ITPK1: variants seen among roughly 807,000 people sequenced by gnomAD.
ITPK1 encodes inositol-tetrakisphosphate 1-kinase.
Under a neutral mutation model 45.3 loss-of-function variants are expected in ITPK1, and 21 were observed. The ratio of observed to expected loss-of-function variants is 0.46; its 90% CI spans 0.33 to 0.67. ITPK1 has a LOEUF of 0.67. Among genes scored for constraint, ITPK1 ranks in the 30% least tolerant of loss-of-function variants. The pLI is 0.02. For synonymous variants in ITPK1, 258 were observed against 253.6 expected (o/e 1.02, Z -0.16); for missense variants, 474 against 573.5 (o/e 0.83, Z 1.77).
chr14:93,019,002 A>T (rs1231474105), intron 3 of ITPK1, among the ~76,000 whole-genome samples: 1 of 151,780 alleles, frequency 6.6e-6, no homozygotes, highest in East Asian at 1.9e-4. Flanking sequence ...TCCAAATTAC[A>T]CTCCACCCAA....
At chr14:92,985,723 C>T (rs1165867445) in intron 5 of ITPK1, among the ~76,000 whole-genome samples, 2 of 152,074 alleles carry the variant, frequency 1.3e-5, no homozygotes, top group South Asian at 2.1e-4. Flanking sequence ...CATCAGGGCG[C>T]CAGGGGCTGC....
At chr14:93,103,720 G>C (rs1190699348) in intron 2 of ITPK1, among the ~76,000 whole-genome samples, 3 of 152,182 alleles carry the variant, frequency 2.0e-5, no homozygotes, top group Admixed American at 2.0e-4. Context: ...TTCCAGGGGA[G>C]GGGGAGGCCT....
Position 93,055,788 on chromosome 14 carries a change from CG to C in ITPK1, c.120+20806del, listed in dbSNP as rs542275375. ...GTGCCCAGCGGTCCCTACCACTCCCCGGGCAGAGAGTACAGGCTCTTGGAAG... is the reference window on the plus strand; with the variant it reads ...GTGCCCAGCGGTCCCTACCACTCCCCGGCAGAGAGTACAGGCTCTTGGAAG... On this transcript the variant is annotated intron_variant, in intron 3 of 10. Coordinates refer to ENST00000267615, the MANE Select transcript of ITPK1 (RefSeq NM_014216.6). Among the ~76,000 whole-genome samples the C allele has an allele frequency of 9.7e-4, 148 of 152,304 alleles. 2 individuals carry two copies. Among genetic ancestry groups the C allele is most frequent in the African/African-American group, 3.3e-3 (137 of 41,550 alleles).
At chr14:93,050,493 G>A (rs1889960020) in intron 3 of ITPK1, among the ~76,000 whole-genome samples, 1 of 152,202 alleles carries the variant, frequency 6.6e-6, no homozygotes, top group Non-Finnish European at 1.5e-5. Context: ...GCAAGAGAGA[G>A]GAGCAAGGGC....
intron 2 of ITPK1, among the ~76,000 whole-genome samples, chr14:93,086,560 C>T (rs1282849890): frequency 2.0e-5 from 3 of 152,238 alleles, no homozygotes; most frequent in East Asian, 1.9e-4. Flanking sequence ...AACCCTGCCC[C>T]GAGATGCTAG....
At chr14:93,008,886 A>G (rs1206415426) in intron 4 of ITPK1, among the ~76,000 whole-genome samples, 1 of 152,216 alleles carries the variant, frequency 6.6e-6, no homozygotes, top group Non-Finnish European at 1.5e-5. Flanking sequence ...TGTGATTCCA[A>G]ACACTAAAAC....
chr14:93,066,984 G>A (rs899580577), intron 3 of ITPK1, among the ~76,000 whole-genome samples: 1 of 152,174 alleles, frequency 6.6e-6, no homozygotes, highest in Non-Finnish European at 1.5e-5. Flanking sequence ...GGAATCCAGT[G>A]TTTGCATCCG....
At chr14:93,092,811 C>T (rs1377303941) in intron 2 of ITPK1, among the ~76,000 whole-genome samples, 1 of 152,140 alleles carries the variant, frequency 6.6e-6, no homozygotes, top group Non-Finnish European at 1.5e-5. Context: ...CCACTGCATT[C>T]GACTCAGCCT....
intron 5 of ITPK1, among the ~76,000 whole-genome samples, chr14:92,963,160 C>CT (rs1885179800): frequency 6.6e-6 from 1 of 152,240 alleles, no homozygotes; most frequent in South Asian, 2.1e-4. Context: ...CCACTGTGGA[C>CT]TTTTACCCAC....
In ITPK1 at chr14:92,941,869, G is replaced by A. The variant is rs2139691918; in HGVS notation, c.937C>T (p.Leu313=). ...TGCAGGACAGTGGCGATGTGGTTCA[G>A]GAGGTCTGTGAAGAACTCGCTCACG... is the stretch of plus-strand genomic sequence containing the variant. ...EGVSEFFTDL[L]NHIATVLQGQ... is the part of the protein sequence containing the mutation. Residue 313 remains leucine, a synonymous_variant, in exon 11 of 11, where the codon CTG becomes TTG. Transcript: ENST00000267615. The A allele has an allele frequency of 1.2e-6, 2 of 1,612,744 alleles. No homozygotes were observed. Among genetic ancestry groups the A allele is most frequent in the Non-Finnish European group, 1.7e-6 (2 of 1,179,974 alleles).
At chr14:92,992,811 G>C (rs1019422475) in intron 5 of ITPK1, among the ~76,000 whole-genome samples, 3 of 152,234 alleles carry the variant, frequency 2.0e-5, no homozygotes, top group Non-Finnish European at 4.4e-5. Flanking sequence ...TGCGTGACGT[G>C]GCATGTCTGC....
intron 2 of ITPK1, among the ~76,000 whole-genome samples, chr14:93,112,040 A>G (rs1298657746): frequency 6.6e-6 from 1 of 150,666 alleles, no homozygotes; most frequent in Admixed American, 6.6e-5. Flanking sequence ...AACGTGCACT[A>G]CCCCCCAAAC....
chr14:93,089,999 A>G (rs934920059), intron 2 of ITPK1, among the ~76,000 whole-genome samples: 17 of 152,218 alleles, frequency 1.1e-4, no homozygotes, highest in African/African-American at 3.4e-4. Context: ...TCCCTGAGAC[A>G]CACAGCTCTG....
chr14:93,100,547 A>AGG (rs1566786251), intron 2 of ITPK1, among the ~76,000 whole-genome samples: 7 of 148,760 alleles, frequency 4.7e-5, no homozygotes, highest in South Asian at 2.3e-4. Context: ...GGAGAGAGAG[A>AGG]GAGAGAGAGA....
chr14:92,973,787 G>A (rs183363764), intron 5 of ITPK1, among the ~76,000 whole-genome samples: 4 of 152,348 alleles, frequency 2.6e-5, no homozygotes, highest in East Asian at 1.9e-4. Context: ...GGAAGGGCCC[G>A]GGTGAGAGGC....
intron 3 of ITPK1, among the ~76,000 whole-genome samples, chr14:93,057,284 C>G (rs544528839): frequency 6.6e-6 from 1 of 152,216 alleles, no homozygotes; most frequent in Non-Finnish European, 1.5e-5. Context: ...ACACTGCACC[C>G]AGGCGAGGTC....
At chr14:93,017,105 A>AAT (rs1888221156) in intron 3 of ITPK1, among the ~76,000 whole-genome samples, 1 of 152,210 alleles carries the variant, frequency 6.6e-6, no homozygotes, top group Admixed American at 6.5e-5. Context: ...GAATCAGGGC[A>AAT]ATAGTGTCAA....
intron 3 of ITPK1, among the ~76,000 whole-genome samples, chr14:93,042,227 G>A (rs1889589426): frequency 1.3e-5 from 2 of 152,190 alleles, no homozygotes. Flanking sequence ...ACAGCAAACT[G>A]GAAACACGTT....
intron 8 of ITPK1, among the ~76,000 whole-genome samples, chr14:92,955,977 C>T (rs145546867): frequency 1.0e-3 from 155 of 152,332 alleles, no homozygotes; most frequent in African/African-American, 3.4e-3. Context: ...ACGTTAGCTC[C>T]CTGGCACAGT....
Sources: gnomAD v4.1 joint callset for allele counts (sites outside exome capture counted in the v4.1 genomes callset) on GRCh38, gnomAD v4.1.1 for gene constraint, MANE v1.5 for transcripts, NCBI Gene and HGNC (gene_info 2026-07-23, HGNC 2026-07-21) for gene names.